REDIC1: variants seen among roughly 807,000 people sequenced by gnomAD.
REDIC1 encodes regulator of DNA class I crossover intermediates 1.
chr12:39,797,837 A>C, the REDIC1 span, among the ~76,000 whole-genome samples: 1 of 152,140 alleles, frequency 6.6e-6, no homozygotes, highest in African/African-American at 2.4e-5. Context: ...CCATGTAAAC[A>C]TAAAAGTTAT....
chr12:39,765,631 T>C, the REDIC1 span, among the ~76,000 whole-genome samples: 2 of 152,096 alleles, frequency 1.3e-5, no homozygotes, highest in East Asian at 3.9e-4. Flanking sequence ...CATCATAACA[T>C]TCCACCTGTC....
the REDIC1 span, among the ~76,000 whole-genome samples, chr12:39,825,486 C>T: frequency 1.2e-4 from 18 of 152,068 alleles, no homozygotes; most frequent in Non-Finnish European, 1.8e-4. Flanking sequence ...ACCTTCTAAG[C>T]GACACTATTC....
the REDIC1 span, among the ~76,000 whole-genome samples, chr12:39,873,748 G>A: frequency 2.6e-5 from 4 of 152,090 alleles, no homozygotes; most frequent in Non-Finnish European, 5.9e-5. Flanking sequence ...GTATAAAACA[G>A]AATAAGTTGT....
chr12:39,676,955 A>G, the REDIC1 span, among the ~76,000 whole-genome samples: 1 of 152,032 alleles, frequency 6.6e-6, no homozygotes, highest in Non-Finnish European at 1.5e-5. Flanking sequence ...GGAGTTCTAA[A>G]TTTTGAAATA....
At chr12:39,848,339 C>A in the REDIC1 span, among the ~76,000 whole-genome samples, 1 of 151,960 alleles carries the variant, frequency 6.6e-6, no homozygotes, top group South Asian at 2.1e-4. Context: ...AAAAGAAAAA[C>A]AACCCCATTA....
At chr12:39,900,871 G>A in the REDIC1 span, among the ~76,000 whole-genome samples, 19 of 152,186 alleles carry the variant, frequency 1.2e-4, no homozygotes, top group Middle Eastern at 3.4e-3. Context: ...AAAAGATCCC[G>A]CATCGCCAAG....
At chr12:39,723,497 A>T in the REDIC1 span, among the ~76,000 whole-genome samples, 1 of 151,734 alleles carries the variant, frequency 6.6e-6, no homozygotes, top group African/African-American at 2.4e-5. Context: ...AAAATGCATT[A>T]CTGGTTTGGG....
At chr12:39,903,039 A>G in the REDIC1 span, among the ~76,000 whole-genome samples, 1 of 152,182 alleles carries the variant, frequency 6.6e-6, no homozygotes, top group East Asian at 1.9e-4. Flanking sequence ...GAGATGAGTA[A>G]TATGAGTATG....
chr12:39,712,316 A>T, the REDIC1 span, among the ~76,000 whole-genome samples: 1 of 43,862 alleles, frequency 2.3e-5, no homozygotes, highest in Non-Finnish European at 7.0e-5. Flanking sequence ...ATATATATGT[A>T]TATATACATA....
At chr12:39,626,237 C>A in the REDIC1 span, 1 of 1,357,176 alleles carries the variant, frequency 7.4e-7, no homozygotes, top group Non-Finnish European at 1.0e-6. Flanking sequence ...CTGACGTTGT[C>A]AGGAGGCCCT....
chr12:39,714,625 TTAAG>T, the REDIC1 span, among the ~76,000 whole-genome samples: 9 of 151,868 alleles, frequency 5.9e-5, no homozygotes, highest in Admixed American at 5.9e-4. Context: ...TTTTAGTTCT[TTAAG>T]TAATTTCTAT....
chr12:39,861,484 T>A, the REDIC1 span, among the ~76,000 whole-genome samples: 1 of 152,236 alleles, frequency 6.6e-6, no homozygotes, highest in Non-Finnish European at 1.5e-5. Flanking sequence ...GTGATTTACA[T>A]ATACTGAGAT....
chr12:39,701,746 A>G, the REDIC1 span, among the ~76,000 whole-genome samples: 1 of 152,208 alleles, frequency 6.6e-6, no homozygotes, highest in South Asian at 2.1e-4. Context: ...GGTCTCTCAG[A>G]CCACAGTGCA....
chr12:39,657,853 A>T, the REDIC1 span, among the ~76,000 whole-genome samples: 3 of 151,924 alleles, frequency 2.0e-5, no homozygotes, highest in Admixed American at 6.6e-5. Context: ...TTATATTTTT[A>T]AAAATTGCAT....
At chr12:39,771,745 G>A in the REDIC1 span, among the ~76,000 whole-genome samples, 110 of 152,072 alleles carry the variant, frequency 7.2e-4, 2 homozygotes, top group South Asian at 2.1e-4. Flanking sequence ...CAAGTTAAGC[G>A]CCCTGACCAC....
the REDIC1 span, among the ~76,000 whole-genome samples, chr12:39,783,194 A>G: frequency 2.0e-5 from 3 of 152,350 alleles, no homozygotes; most frequent in African/African-American, 7.2e-5. Context: ...TACGAAGGAC[A>G]TGAACTCATC....
chr12:39,731,559 G>T, the REDIC1 span, among the ~76,000 whole-genome samples: 1 of 152,168 alleles, frequency 6.6e-6, no homozygotes, highest in African/African-American at 2.4e-5. Context: ...GATGCCAGCT[G>T]GAGCTCTCCT....
chr12:39,786,889 T>C, the REDIC1 span, among the ~76,000 whole-genome samples: 2 of 152,266 alleles, frequency 1.3e-5, no homozygotes, highest in African/African-American at 4.8e-5. Context: ...GCTAGTTCTT[T>C]GTCCACTTAC....
chr12:39,722,255 T>C, the REDIC1 span, among the ~76,000 whole-genome samples: 5 of 152,134 alleles, frequency 3.3e-5, no homozygotes, highest in Non-Finnish European at 7.4e-5. Flanking sequence ...GTTTAAATAG[T>C]AGCAATCTTC....
Sources: gnomAD v4.1 joint callset for allele counts (sites outside exome capture counted in the v4.1 genomes callset) on GRCh38, gnomAD v4.1.1 for gene constraint, MANE v1.5 for transcripts, NCBI Gene and HGNC (gene_info 2026-07-23, HGNC 2026-07-21) for gene names.